Variants in KIF13B observed in about 807,000 individuals in gnomAD.
The protein encoded by KIF13B is kinesin family member 13B.
A neutral mutation model predicts 222.0 loss-of-function variants in KIF13B; 127 were observed. That is an observed-to-expected ratio of 0.57 (90% CI 0.50 to 0.66). KIF13B has a LOEUF of 0.66. Ranked by LOEUF, KIF13B falls within the 30% of genes least tolerant of loss-of-function variation. The pLI is 0.00. For synonymous variants in KIF13B, 976 were observed against 919.0 expected (o/e 1.06, Z -1.12); for missense variants, 2,173 against 2,379.0 (o/e 0.91, Z 1.80).
At chr8:29,213,794 C>CA (rs527277518) in intron 2 of KIF13B, among the ~76,000 whole-genome samples, 7,378 of 144,116 alleles carry the variant, frequency 0.051, 374 homozygotes, top group African/African-American at 0.13. Flanking sequence ...ACTAAAAATA[C>CA]AAAAAAAAAA....
At chr8:29,247,942 G>T (rs138545072) in intron 1 of KIF13B, among the ~76,000 whole-genome samples, 7 of 148,524 alleles carry the variant, frequency 4.7e-5, no homozygotes, top group African/African-American at 1.7e-4. Flanking sequence ...ATAAGCACAA[G>T]AAAAGATGTT....
chr8:29,084,059 C>T (rs762410805), intron 37 of KIF13B, among the ~76,000 whole-genome samples: 4 of 152,064 alleles, frequency 2.6e-5, no homozygotes, highest in South Asian at 2.1e-4. Context: ...GGATTACAGG[C>T]GCCCACCACC....
At chr8:29,160,155 T>C (rs1437826406) in intron 13 of KIF13B, among the ~76,000 whole-genome samples, 7 of 152,250 alleles carry the variant, frequency 4.6e-5, no homozygotes, top group Non-Finnish European at 7.3e-5. Flanking sequence ...ATATATCCCA[T>C]GATTTATAGA....
chr8:29,080,597 G>A (rs747049388), intron 37 of KIF13B, among the ~76,000 whole-genome samples: 1 of 152,106 alleles, frequency 6.6e-6, no homozygotes, highest in African/African-American at 2.4e-5. Flanking sequence ...GAGCCATAAC[G>A]GCACCAGCAC....
In KIF13B at chr8:29,224,775, G is replaced by A. The variant is rs116782798; in HGVS notation, c.149+20571C>T. 7.8e-3 allele frequency among the ~76,000 whole-genome samples: 1,190 copies of A among 152,038 alleles called. 6 individuals carry two copies. Among genetic ancestry groups the A allele is most frequent in the African/African-American group, 0.013 (533 of 41,452 alleles). On this transcript the variant is annotated intron_variant, in intron 2 of 39. Transcript: ENST00000524189. ...ACCCTGGAGTGTGTACGCGTAATTA[G>A]GATATCAAATGTTAATTAGTTATTC...
intron 3 of KIF13B, among the ~76,000 whole-genome samples, chr8:29,194,023 A>T (rs2130367683): frequency 7.0e-6 from 1 of 143,668 alleles, no homozygotes; most frequent in East Asian, 2.0e-4. Flanking sequence ...ACAGGGTTTC[A>T]CTGTGTTAGC....
chr8:29,229,617 C>T (rs573072168), intron 2 of KIF13B, among the ~76,000 whole-genome samples: 20 of 152,338 alleles, frequency 1.3e-4, no homozygotes, highest in African/African-American at 4.3e-4. Flanking sequence ...GCTGTGTCTG[C>T]ATTACTGACA....
At chr8:29,178,911 G>A (rs1018837838) in intron 8 of KIF13B, among the ~76,000 whole-genome samples, 1 of 152,090 alleles carries the variant, frequency 6.6e-6, no homozygotes, top group African/African-American at 2.4e-5. Context: ...GAGGGAAAAC[G>A]CAAATATACT....
At chr8:29,190,387 A>C (rs533451909) in intron 4 of KIF13B, 1 of 152,516 alleles carries the variant, frequency 6.6e-6, no homozygotes, top group Admixed American at 6.5e-5. Flanking sequence ...CTGGATTGCT[A>C]AACACACAGG....
At chr8:29,108,272 C>T (rs1809188780) in intron 34 of KIF13B, 80 bp from the exon 35 acceptor site, 1 of 1,354,706 alleles carries the variant, frequency 7.4e-7, no homozygotes, top group Admixed American at 2.0e-5. Flanking sequence ...TCTTTGCCAA[C>T]CCAGTCAACC....
chr8:29,099,293 C>T, intron 35 of KIF13B, 52 bp from the exon 36 acceptor site: 1 of 1,245,568 alleles, frequency 8.0e-7, no homozygotes, highest in South Asian at 1.4e-5. Flanking sequence ...ATTAACCAAA[C>T]AAAAAAAAAT....
chr8:29,161,593 A>T (rs2130117797), intron 12 of KIF13B, among the ~76,000 whole-genome samples: 1 of 151,962 alleles, frequency 6.6e-6, no homozygotes, highest in African/African-American at 2.4e-5. Flanking sequence ...CTACTCGGGA[A>T]GGTGAGGCAG....
At chr8:29,115,923 C>T (rs910160110) in intron 31 of KIF13B, among the ~76,000 whole-genome samples, 1 of 152,204 alleles carries the variant, frequency 6.6e-6, no homozygotes, top group Non-Finnish European at 1.5e-5. Context: ...CCCACCACCC[C>T]GACTCCCTGG....
At chr8:29,129,791 G>A (rs1563725844) in intron 24 of KIF13B, among the ~76,000 whole-genome samples, 1 of 152,330 alleles carries the variant, frequency 6.6e-6, no homozygotes, top group South Asian at 2.1e-4. Flanking sequence ...TCTGGCATGT[G>A]TATCTACCCA....
chr8:29,099,697 T>C (rs1586774649), intron 35 of KIF13B, among the ~76,000 whole-genome samples: 1 of 152,148 alleles, frequency 6.6e-6, no homozygotes, highest in Non-Finnish European at 1.5e-5. Context: ...CTTGTCATCC[T>C]GCTTATTTTA....
At chr8:29,192,809 A>C (rs1813244861) in intron 3 of KIF13B, among the ~76,000 whole-genome samples, 1 of 152,160 alleles carries the variant, frequency 6.6e-6, no homozygotes, top group South Asian at 2.1e-4. Context: ...AATTGCCAAA[A>C]AGGAAGAGAA....
chr8:29,241,835 C>T (rs1052794252), intron 2 of KIF13B, among the ~76,000 whole-genome samples: 13 of 151,176 alleles, frequency 8.6e-5, no homozygotes, highest in Admixed American at 2.0e-4. Flanking sequence ...CAGTGAAATG[C>T]GAAGATTGAG....
intron 5 of KIF13B, among the ~76,000 whole-genome samples, chr8:29,187,306 T>A (rs750036489): frequency 4.6e-5 from 7 of 152,206 alleles, no homozygotes; most frequent in Non-Finnish European, 8.8e-5. Flanking sequence ...GGTGGGTGGA[T>A]CACCTGAGGT....
chr8:29,231,876 AT>A (rs920549015), intron 2 of KIF13B, among the ~76,000 whole-genome samples: 9 of 151,852 alleles, frequency 5.9e-5, no homozygotes, highest in South Asian at 2.1e-4. Flanking sequence ...CCACTTCCAA[AT>A]TTTTTTTTAA....
Sources: gnomAD v4.1 joint callset for allele counts (sites outside exome capture counted in the v4.1 genomes callset) on GRCh38, gnomAD v4.1.1 for gene constraint, MANE v1.5 for transcripts, NCBI Gene and HGNC (gene_info 2026-07-23, HGNC 2026-07-21) for gene names.